Variants in SEPTIN7 observed in about 807,000 individuals in gnomAD.
SEPTIN7 encodes the protein septin-7.
Under a neutral mutation model 63.3 loss-of-function variants are expected in SEPTIN7, and 10 were observed. The ratio of observed to expected loss-of-function variants is 0.16; its 90% CI spans 0.10 to 0.27. The LOEUF is 0.27. SEPTIN7 is among the 10% of genes least tolerant of loss of function. SEPTIN7 has a pLI of 1.00. For missense variants in SEPTIN7, 310 were observed against 521.0 expected (o/e 0.59, Z 3.94); for synonymous variants, 131 against 165.3 (o/e 0.79, Z 1.59).
At chr7:35,872,865 A>G (rs1786239859) in intron 5 of SEPTIN7, 99 bp downstream of exon 5, 2 of 786,994 alleles carry the variant, frequency 2.5e-6, no homozygotes, top group Non-Finnish European at 4.3e-6. Flanking sequence ...ATCTTAGCAA[A>G]GGTCACCAAA....
chr7:35,879,286 C>T (rs1228468215), intron 6 of SEPTIN7, among the ~76,000 whole-genome samples: 1 of 151,992 alleles, frequency 6.6e-6, no homozygotes. Context: ...AAAAAATCCT[C>T]CAGCCTGGGC....
intron 3 of SEPTIN7, among the ~76,000 whole-genome samples, chr7:35,862,174 T>G (rs933819205): frequency 1.3e-5 from 2 of 152,150 alleles, no homozygotes; most frequent in African/African-American, 4.8e-5. Context: ...TATTGTACTA[T>G]CCACAGAGTA....
chr7:35,859,670 C>G (rs935129003), intron 3 of SEPTIN7, among the ~76,000 whole-genome samples: 2 of 152,098 alleles, frequency 1.3e-5, no homozygotes, highest in Admixed American at 6.5e-5. Flanking sequence ...ATTTAAAGTT[C>G]TGATGTTTGG....
At chr7:35,830,833 A>G (rs1225170046) in intron 1 of SEPTIN7, among the ~76,000 whole-genome samples, 1 of 152,092 alleles carries the variant, frequency 6.6e-6, no homozygotes, top group Non-Finnish European at 1.5e-5. Context: ...CAGTTCACAT[A>G]TGTCTCCTCT....
At chr7:35,904,131 C>A (rs535198222) in intron 13 of SEPTIN7, 123 bp from the exon 14 acceptor site, 45 of 572,472 alleles carry the variant, frequency 7.9e-5, no homozygotes, top group African/African-American at 4.1e-4. Flanking sequence ...TAATTTTTTT[C>A]AGTGAAAAAG....
chr7:35,852,790 TACTTG>T (rs1205099714), intron 3 of SEPTIN7, among the ~76,000 whole-genome samples: 1 of 152,176 alleles, frequency 6.6e-6, no homozygotes, highest in African/African-American at 2.4e-5. Context: ...TTATATGAGG[TACTTG>T]ACTTGAGTCA....
intron 2 of SEPTIN7, chr7:35,831,883 G>A (rs1234905268): frequency 3.4e-6 from 1 of 292,290 alleles, no homozygotes; most frequent in African/African-American, 2.3e-5. Flanking sequence ...TTTTAAATGA[G>A]AATTTAAATG....
chr7:35,862,745 C>A (rs1785578418), intron 3 of SEPTIN7, among the ~76,000 whole-genome samples: 1 of 152,108 alleles, frequency 6.6e-6, no homozygotes, highest in Non-Finnish European at 1.5e-5. Flanking sequence ...GAATTATTAA[C>A]AATAAATACT....
intron 3 of SEPTIN7, among the ~76,000 whole-genome samples, chr7:35,862,506 A>G (rs548681382): frequency 6.6e-6 from 1 of 152,256 alleles, no homozygotes; most frequent in African/African-American, 2.4e-5. Context: ...AAGGTATAAG[A>G]GTTAAGAAAG....
downstream of SEPTIN7, among the ~76,000 whole-genome samples, chr7:35,908,644 GA>G (rs1054119773): frequency 4.1e-4 from 63 of 152,344 alleles, no homozygotes; most frequent in African/African-American, 1.5e-3. Flanking sequence ...GAGGCTAGCA[GA>G]GGGGGGGTAG....
At chr7:35,806,976 T>C (rs768767569) in intron 1 of SEPTIN7, among the ~76,000 whole-genome samples, 3 of 152,214 alleles carry the variant, frequency 2.0e-5, no homozygotes, top group Non-Finnish European at 2.9e-5. Flanking sequence ...AAATCAAAAC[T>C]ATTTTCCACC....
At chr7:35,908,626 T>C (rs1372655711), downstream of SEPTIN7, among the ~76,000 whole-genome samples, 3 of 152,162 alleles carry the variant, frequency 2.0e-5, no homozygotes, top group Admixed American at 2.0e-4. Flanking sequence ...AGATGTGGCA[T>C]AGATGAGGAG....
At chr7:35,891,205 T>G (rs2727855) in intron 11 of SEPTIN7, among the ~76,000 whole-genome samples, 143,495 of 152,182 alleles carry the variant, frequency 0.94, 68,134 homozygotes, top group East Asian at 1. Flanking sequence ...TCATGTTGGG[T>G]TCGAAAAAAG....
At position 35,801,284 on chromosome 7, in the gene SEPTIN7, T is replaced by TC. The variant is rs1410810388; in HGVS notation, c.61+15dup. ...GCAGCACCATGGGTGAGTCTCAGCT[T>TC]CGGGTGCCGCGACTTGGGGTCAGCG... is the stretch of plus-strand genomic sequence containing the variant. On this transcript the variant is annotated intron_variant, in intron 1 of 13. Transcript: ENST00000350320. 1.5e-6 allele frequency: 2 copies of TC among 1,373,344 alleles called. No individual in the cohort carries two copies. Among genetic ancestry groups the TC allele is most frequent in the Non-Finnish European group, 9.4e-7 (1 of 1,069,212 alleles). 85.1% of individuals were successfully genotyped at this position (1,373,344 alleles called of 1,614,324 possible).
At chr7:35,872,579 T>C in intron 4 of SEPTIN7, 87 bp from the exon 5 acceptor site, 1 of 971,386 alleles carries the variant, frequency 1.0e-6, no homozygotes, top group Non-Finnish European at 1.6e-6. Flanking sequence ...TTGGTTTTGA[T>C]AAACTCGAAC....
intron 4 of SEPTIN7, among the ~76,000 whole-genome samples, chr7:35,865,187 C>CT (rs1206693273): frequency 6.6e-6 from 1 of 152,026 alleles, no homozygotes; most frequent in East Asian, 1.9e-4. Context: ...ATTTGGGTAT[C>CT]TATTAGGAAT....
At chr7:35,912,346 A>G in the SEPTIN7 span, among the ~76,000 whole-genome samples, 1 of 152,262 alleles carries the variant, frequency 6.6e-6, no homozygotes, top group South Asian at 2.1e-4. Flanking sequence ...CCTAAAGGGC[A>G]TGTTCCTGCT....
chr7:35,865,928 A>G (rs1785784731), intron 4 of SEPTIN7, among the ~76,000 whole-genome samples: 1 of 152,238 alleles, frequency 6.6e-6, no homozygotes, highest in African/African-American at 2.4e-5. Context: ...CTTTAAAATA[A>G]CACTTCAAAA....
At chr7:35,840,381 C>T (rs1784354120) in intron 3 of SEPTIN7, among the ~76,000 whole-genome samples, 1 of 150,532 alleles carries the variant, frequency 6.6e-6, no homozygotes, top group African/African-American at 2.5e-5. Flanking sequence ...ACCTCAGCCT[C>T]CCAAGTACCT....
Sources: gnomAD v4.1 joint callset for allele counts (sites outside exome capture counted in the v4.1 genomes callset) on GRCh38, gnomAD v4.1.1 for gene constraint, MANE v1.5 for transcripts, NCBI Gene and HGNC (gene_info 2026-07-23, HGNC 2026-07-21) for gene names.